ZFP30: variants seen among roughly 807,000 people sequenced by gnomAD.
The protein encoded by ZFP30 is ZFP30 zinc finger protein.
Under a neutral mutation model 12.3 loss-of-function variants are expected in ZFP30, and 16 were observed. The observed-to-expected ratio is 1.30, with a 90% CI of 0.88 to 1.98. The LOEUF is 1.98. ZFP30 is among the 30% of genes most tolerant of loss of function. The pLI is 0.00. For synonymous variants in ZFP30, 172 were observed against 201.0 expected, an observed-to-expected ratio of 0.86 and a Z score of 1.22; for missense variants, 560 against 611.2, an observed-to-expected ratio of 0.92 and a Z score of 0.88.
Position 37,636,139 on chromosome 19 carries a change from T to C in ZFP30, c.402A>G (p.Glu134=). 2.5e-6 allele frequency: 4 copies of C among 1,614,196 alleles called. No homozygotes were observed. The highest frequency in any genetic ancestry group is 2.5e-6 in the Non-Finnish European group (3 of 1,180,040). Reference sequence around the variant, plus strand: ...TGAGTTTTCTGTAAGTAGGCATTTTTTCAGAGGTGGTTTTTGTCACTTGCC... The same window carrying C: ...TGAGTTTTCTGTAAGTAGGCATTTTCTCAGAGGTGGTTTTTGTCACTTGCC... The part of the protein sequence containing the change: ...CFRQVTKTTS[E]KMPTYRKLTS... Residue 134 remains glutamate (E), a synonymous_variant, in exon 6 of 6, where the codon GAA becomes GAG. Transcript: ENST00000684514.
rs1410645576 is a variant in ZFP30 at position 37,631,133 on chromosome 19, A to G, written c.*3848T>C. 1 of 152,168 alleles carries G rather than the reference A, an allele frequency of 6.6e-6. No individual in the cohort carries two copies. The highest frequency in any genetic ancestry group is 1.5e-5 in the Non-Finnish European group (1 of 68,032). 9.4% of individuals were successfully genotyped at this position (152,168 alleles called of 1,614,324 possible). A position where few individuals can be genotyped will look rare whatever the true frequency, so the allele number is the denominator to read the frequency against. On this transcript the variant is annotated 3_prime_UTR_variant, in exon 6 of 6. Transcript: ENST00000684514. ...CTCACATCCACCTTCCAACACAACT[A>G]ACCACCTGACATGAGGTCCGAACTT...
chr19:37,642,065 C>A (rs985898110), intron 5 of ZFP30, among the ~76,000 whole-genome samples: 1 of 152,136 alleles, frequency 6.6e-6, no homozygotes, highest in African/African-American at 2.4e-5. Context: ...AAACAACACC[C>A]GATTGCCTCT....
At chr19:37,645,183 T>TGACAGAGC (rs1899516821) in intron 3 of ZFP30, among the ~76,000 whole-genome samples, 1 of 148,754 alleles carries the variant, frequency 6.7e-6, no homozygotes, top group Non-Finnish European at 1.5e-5. Context: ...CCAGCCTGGG[T>TGACAGAGC]GACAGAGCGA....
chr19:37,642,971 T>C (rs1464824102), intron 5 of ZFP30, among the ~76,000 whole-genome samples: 2 of 143,608 alleles, frequency 1.4e-5, no homozygotes, highest in African/African-American at 5.2e-5. Context: ...GAGAATGGCG[T>C]GAACCCGGGA....
In ZFP30 at chr19:37,634,901, C is replaced by G. The variant is rs1320382624; in HGVS notation, c.*80G>C. 5 of 1,405,726 alleles carry G rather than the reference C, an allele frequency of 3.6e-6. No individual in the cohort carries two copies. The Admixed American group carries it at 1.4e-4, about 39-fold the overall frequency. 87.1% of individuals were successfully genotyped at this position (1,405,726 alleles called of 1,614,324 possible). On this transcript the variant is annotated 3_prime_UTR_variant, in exon 6 of 6. Transcript: ENST00000684514. ...TTGTGAGCATGAAGCAAAAGGGATTCCCACGTTCAAAAACCTTTCCTCTAG... is the reference window on the plus strand; with the variant it reads ...TTGTGAGCATGAAGCAAAAGGGATTGCCACGTTCAAAAACCTTTCCTCTAG...
chr19:37,646,889 C>G (rs2147280864), intron 3 of ZFP30, among the ~76,000 whole-genome samples: 1 of 152,252 alleles, frequency 6.6e-6, no homozygotes. Context: ...CAGGCATGAG[C>G]CACCACTGTC....
chr19:37,647,527 C>T (rs376531376), intron 3 of ZFP30, among the ~76,000 whole-genome samples: 25 of 152,144 alleles, frequency 1.6e-4, no homozygotes, highest in East Asian at 9.6e-4. Flanking sequence ...GTAAGGTCTC[C>T]CCAGCTATGT....
Position 37,635,024 on chromosome 19 carries a change from T to G in ZFP30, c.1517A>C (p.His506Pro). ...TCGCTGATGGTAAGTAAGATGTGAA[T>G]GTTGTCTAAATGCCTTTTTACATTC... is the stretch of plus-strand genomic sequence containing the variant. ...CKECKKAFRQ[H>P]SHLTYHQRIH... Residue 506 changes from histidine to proline, a missense_variant, in exon 6 of 6, where the codon CAT becomes CCT. Physicochemically the swap from His to Pro is moderately conservative, Grantham distance 77. Coordinates refer to ENST00000684514, the MANE Select transcript of ZFP30 (RefSeq NM_001320669.3). The G allele has an allele frequency of 6.3e-7, 1 of 1,581,874 alleles. No homozygotes were observed. Among genetic ancestry groups the G allele is most frequent in the Non-Finnish European group, 8.6e-7 (1 of 1,167,436 alleles).
intron 5 of ZFP30, among the ~76,000 whole-genome samples, chr19:37,637,203 C>CTTTTTTTTT (rs1002235029): frequency 7.6e-6 from 1 of 131,824 alleles, no homozygotes; most frequent in African/African-American, 2.8e-5. Context: ...TTCTTTTTTT[C>CTTTTTTTTT]TTTTTTTTTT....
At chr19:37,652,004 A>G (rs1362042342) in intron 2 of ZFP30, among the ~76,000 whole-genome samples, 2 of 152,182 alleles carry the variant, frequency 1.3e-5, no homozygotes, top group East Asian at 1.9e-4. Context: ...GAACAGATGA[A>G]AAAAACTCTT....
chr19:37,653,477 T>C (rs2044693340), intron 2 of ZFP30, among the ~76,000 whole-genome samples: 1 of 152,226 alleles, frequency 6.6e-6, no homozygotes, highest in Non-Finnish European at 1.5e-5. Context: ...ACCTTTATTG[T>C]AGTATACAAG....
At chr19:37,644,362 C>T (rs978293743) in intron 4 of ZFP30, 4 of 240,684 alleles carry the variant, frequency 1.7e-5, no homozygotes, top group African/African-American at 4.6e-5. Flanking sequence ...GGTGAAACCC[C>T]GTCTCTACTT....
At chr19:37,649,131 G>C (rs1048794262) in intron 2 of ZFP30, among the ~76,000 whole-genome samples, 7 of 151,696 alleles carry the variant, frequency 4.6e-5, no homozygotes, top group African/African-American at 1.7e-4. Context: ...TGTATCCCTA[G>C]TTACTTGGGA....
chr19:37,640,346 A>G (rs1269049975), intron 5 of ZFP30, among the ~76,000 whole-genome samples: 1 of 151,500 alleles, frequency 6.6e-6, no homozygotes, highest in Admixed American at 6.6e-5. Flanking sequence ...TTAATGTTCT[A>G]CCTCCAAAAA....
chr19:37,643,052 CAAAAA>C (rs951396776), intron 5 of ZFP30, among the ~76,000 whole-genome samples: 1 of 61,436 alleles, frequency 1.6e-5, no homozygotes, highest in South Asian at 5.9e-4. Flanking sequence ...GACTCCGTCT[CAAAAA>C]AAAAAAAAAA....
intron 5 of ZFP30, among the ~76,000 whole-genome samples, chr19:37,636,613 C>T (rs1003133382): frequency 9.2e-5 from 14 of 152,236 alleles, no homozygotes; most frequent in Middle Eastern, 3.4e-3. Context: ...TGGACTCTGT[C>T]GAACACAAGG....
intron 4 of ZFP30, among the ~76,000 whole-genome samples, chr19:37,643,696 C>T (rs887229660): frequency 2.0e-5 from 3 of 151,948 alleles, no homozygotes; most frequent in Non-Finnish European, 4.4e-5. Flanking sequence ...TTGTGAGATT[C>T]GATTTAATGT....
At chr19:37,649,867 C>T (rs2044614923) in intron 2 of ZFP30, among the ~76,000 whole-genome samples, 1 of 151,644 alleles carries the variant, frequency 6.6e-6, no homozygotes, top group Non-Finnish European at 1.5e-5. Flanking sequence ...AAATAAACAC[C>T]CATTAAAAAT....
chr19:37,641,274 C>A (rs145200706), intron 5 of ZFP30, among the ~76,000 whole-genome samples: 1 of 152,294 alleles, frequency 6.6e-6, no homozygotes, highest in East Asian at 1.9e-4. Flanking sequence ...ATTCTCGTAG[C>A]CTATAAACAT....
Sources: allele counts gnomAD v4.1 joint callset (sites outside exome capture counted in the v4.1 genomes callset), GRCh38; gene constraint gnomAD v4.1.1; transcripts MANE v1.5; gene names NCBI Gene and HGNC (gene_info 2026-07-23, HGNC 2026-07-21).